Variants in SWAP70 observed in about 807,000 individuals in gnomAD.
SWAP70 encodes switch-associated protein 70.
A neutral mutation model predicts 80.2 loss-of-function variants in SWAP70; 34 were observed. The observed-to-expected ratio is 0.42, with a 90% CI of 0.32 to 0.56. SWAP70 has a LOEUF of 0.56. Among genes scored for constraint, SWAP70 ranks in the 20% least tolerant of loss-of-function variants. The probability of loss-of-function intolerance (pLI) is 0.09; values close to 1 mark genes in which losing one functional copy is unlikely to be tolerated. For missense variants in SWAP70, 578 were observed against 690.7 expected (o/e 0.84, Z 1.83); for synonymous variants, 239 against 238.5 (o/e 1.00, Z -0.02).
chr11:9,699,153 G>A (rs1370457589), intron 2 of SWAP70, among the ~76,000 whole-genome samples: 1 of 152,130 alleles, frequency 6.6e-6, no homozygotes, highest in African/African-American at 2.4e-5. Context: ...GGTTTCTTGG[G>A]GTGAGGGGGA....
intron 2 of SWAP70, among the ~76,000 whole-genome samples, chr11:9,702,167 G>C (rs1481010668): frequency 6.6e-6 from 1 of 152,092 alleles, no homozygotes; most frequent in Non-Finnish European, 1.5e-5. Flanking sequence ...GTACTTTCTT[G>C]TTCATATGTC....
At chr11:9,740,119 G>A in intron 8 of SWAP70, 62 bp from the exon 9 acceptor site, 1 of 1,524,484 alleles carries the variant, frequency 6.6e-7, no homozygotes, top group Middle Eastern at 1.7e-4. Flanking sequence ...TCAGGTGGAG[G>A]TGAGGCTTTC....
intron 1 of SWAP70, among the ~76,000 whole-genome samples, chr11:9,675,320 C>CGAGAGAGA (rs111414369): frequency 0.012 from 388 of 31,488 alleles, 68 homozygotes; most frequent in African/African-American, 0.022. Context: ...AGAGAGGGAG[C>CGAGAGAGA]GAGAGAGAGA....
intron 1 of SWAP70, among the ~76,000 whole-genome samples, chr11:9,669,855 C>CGGT (rs1338053883): frequency 1.3e-5 from 2 of 151,962 alleles, no homozygotes; most frequent in Admixed American, 1.3e-4. Context: ...TTGCCAGGTG[C>CGGT]GGTGCCTCAC....
At position 9,694,289 on chromosome 11, in the gene SWAP70, A is replaced by G. The variant is rs768657896; in HGVS notation, c.240+3A>G. ...TAAACAGGTTCATTTTGGAAAAGGT[A>G]TGATTCTAACCTTTTTTTGGGTGTA... On this transcript the variant is annotated splice_donor_region_variant and intron_variant, in intron 2 of 11. Coordinates refer to ENST00000318950, the MANE Select transcript of SWAP70 (RefSeq NM_015055.4). 3.1e-6 allele frequency: 5 copies of G among 1,609,298 alleles called. No individual in the cohort carries two copies. Among genetic ancestry groups the G allele is most frequent in the East Asian group, 2.2e-5 (1 of 44,780 alleles).
chr11:9,713,290 A>G (rs1327481888), intron 2 of SWAP70, among the ~76,000 whole-genome samples, 176 bp from the exon 3 acceptor site: 1 of 152,216 alleles, frequency 6.6e-6, no homozygotes, highest in Non-Finnish European at 1.5e-5. Context: ...TAAATGTAAC[A>G]TCTTAATTGA....
At chr11:9,688,880 A>G (rs1175330553) in intron 1 of SWAP70, among the ~76,000 whole-genome samples, 4 of 152,152 alleles carry the variant, frequency 2.6e-5, no homozygotes, top group Non-Finnish European at 5.9e-5. Context: ...AGAGTAGACA[A>G]TGCTTTTAAG....
At chr11:9,677,482 A>AG (rs1481636275) in intron 1 of SWAP70, among the ~76,000 whole-genome samples, 2 of 152,186 alleles carry the variant, frequency 1.3e-5, no homozygotes, top group Non-Finnish European at 2.9e-5. Context: ...GGCCCATATT[A>AG]GTCCCCTGTC....
chr11:9,698,218 A>G (rs904449617), intron 2 of SWAP70, among the ~76,000 whole-genome samples: 2 of 143,866 alleles, frequency 1.4e-5, no homozygotes, highest in African/African-American at 5.2e-5. Context: ...TTCTTGCCCC[A>G]GCCTCCCCAG....
chr11:9,716,936 A>G (rs1478186827), intron 3 of SWAP70, among the ~76,000 whole-genome samples: 8 of 152,212 alleles, frequency 5.3e-5, no homozygotes, highest in Non-Finnish European at 8.8e-5. Flanking sequence ...TGAACACGCT[A>G]TGAGGTAGGA....
intron 2 of SWAP70, among the ~76,000 whole-genome samples, chr11:9,699,420 G>T (rs977461930): frequency 8.6e-5 from 13 of 152,010 alleles, no homozygotes; most frequent in African/African-American, 2.9e-4. Context: ...TATTGCTCAG[G>T]TAGCTTATTT....
intron 1 of SWAP70, among the ~76,000 whole-genome samples, chr11:9,671,495 T>TATATAC (rs1565109367): frequency 2.3e-5 from 2 of 87,484 alleles, no homozygotes; most frequent in Non-Finnish European, 4.0e-5. Context: ...TATAAATATA[T>TATATAC]ATATAAATAT....
At chr11:9,730,236 A>AT (rs1215348412) in intron 6 of SWAP70, among the ~76,000 whole-genome samples, 1 of 151,922 alleles carries the variant, frequency 6.6e-6, no homozygotes, top group African/African-American at 2.4e-5. Flanking sequence ...CATGCCTATA[A>AT]TCCCAGCACT....
chr11:9,689,148 T>C (rs921415423), intron 1 of SWAP70, among the ~76,000 whole-genome samples: 2 of 152,184 alleles, frequency 1.3e-5, no homozygotes, highest in Non-Finnish European at 2.9e-5. Flanking sequence ...AGGGAAACAG[T>C]GTGTTACTGG....
At position 9,749,348 on chromosome 11, in the gene SWAP70, G is replaced by A. The variant is rs568201193; in HGVS notation, c.1651+165G>A. On this transcript the variant is annotated intron_variant, in intron 11 of 11. Coordinates refer to ENST00000318950, the MANE Select transcript of SWAP70 (RefSeq NM_015055.4). The stretch of plus-strand genomic sequence containing the variant: ...TGCAAGCTCCGCCTCCTGGGTTCAT[G>A]CCATTCTCCTGCCTTAACCTCCCAA... Among the ~76,000 whole-genome samples the A allele has an allele frequency of 7.2e-3, 1,093 of 152,214 alleles. 9 individuals carry two copies. Among genetic ancestry groups the A allele is most frequent in the African/African-American group, 0.025 (1,040 of 41,524 alleles).
At chr11:9,701,599 A>C (rs1850832439) in intron 2 of SWAP70, among the ~76,000 whole-genome samples, 1 of 148,262 alleles carries the variant, frequency 6.7e-6, no homozygotes, top group African/African-American at 2.5e-5. Context: ...CCTGGACAAC[A>C]AAGTAAGACC....
chr11:9,688,849 A>G (rs545692922), intron 1 of SWAP70, among the ~76,000 whole-genome samples: 7 of 152,322 alleles, frequency 4.6e-5, no homozygotes, highest in African/African-American at 1.7e-4. Context: ...AAATGAGTCC[A>G]TGCGGGAATG....
chr11:9,721,163 C>T (rs1467886101), intron 3 of SWAP70, among the ~76,000 whole-genome samples: 1 of 152,080 alleles, frequency 6.6e-6, no homozygotes, highest in Non-Finnish European at 1.5e-5. Flanking sequence ...GTCCCATTTT[C>T]TCCTTCCCTC....
At chr11:9,721,492 G>T (rs1851137300) in intron 3 of SWAP70, among the ~76,000 whole-genome samples, 2 of 144,048 alleles carry the variant, frequency 1.4e-5, no homozygotes, top group South Asian at 4.4e-4. Context: ...TTTTTAATGA[G>T]ATAGGGCCTT....
Sources: gnomAD v4.1 joint callset for allele counts (sites outside exome capture counted in the v4.1 genomes callset) on GRCh38, gnomAD v4.1.1 for gene constraint, MANE v1.5 for transcripts, NCBI Gene and HGNC (gene_info 2026-07-23, HGNC 2026-07-21) for gene names.